Variants in LRRFIP1 observed in about 807,000 individuals in gnomAD.
LRRFIP1 encodes the protein leucine-rich repeat flightless-interacting protein 1.
A neutral mutation model predicts 104.4 loss-of-function variants in LRRFIP1; 62 were observed. The ratio of observed to expected loss-of-function variants is 0.59; its 90% CI spans 0.48 to 0.73. The LOEUF (loss-of-function observed/expected upper bound fraction) is 0.73, where lower values mean the gene tolerates loss of function less well. LRRFIP1 is among the 30% of genes least tolerant of loss of function. LRRFIP1 has a pLI of 0.00. For missense variants in LRRFIP1, 796 were observed against 824.5 expected, an observed-to-expected ratio of 0.97 and a Z score of 0.42; for synonymous variants, 300 against 299.0, an observed-to-expected ratio of 1.00 and a Z score of -0.03.
At chr2:237,753,836 G>A (rs1576281127) in intron 15 of LRRFIP1, among the ~76,000 whole-genome samples, 1 of 81,494 alleles carries the variant, frequency 1.2e-5, no homozygotes, top group Non-Finnish European at 2.5e-5. Flanking sequence ...GTGTGTGTGT[G>A]TGTGTATGTA....
At chr2:237,685,738 C>G (rs1385829894) in intron 1 of LRRFIP1, among the ~76,000 whole-genome samples, 4 of 152,162 alleles carry the variant, frequency 2.6e-5, no homozygotes, top group Non-Finnish European at 5.9e-5. Flanking sequence ...CATCTTTTCT[C>G]ACTGTCCTTT....
chr2:237,703,628 G>GC lies in LRRFIP1; in HGVS notation c.97-4910dup, dbSNP rs1198161613. 6.6e-6 allele frequency among the ~76,000 whole-genome samples: 1 copy of GC among 151,790 alleles called. No homozygotes were observed. Among genetic ancestry groups the GC allele is most frequent in the Non-Finnish European group, 1.5e-5 (1 of 67,952 alleles). On this transcript the variant is annotated intron_variant, in intron 1 of 23. Transcript: ENST00000308482. This position sits in a 1 kb window ranked among gnomAD's most constrained non-coding sequence, Gnocchi z 4.3. ...TCCTGTCCTGCGGATGCCTTCCCCA[G>GC]CCCCCCGGGGTTGGGTCAAGTTCTC...
At chr2:237,730,419 G>A (rs1369754770) in intron 8 of LRRFIP1, among the ~76,000 whole-genome samples, 1 of 152,174 alleles carries the variant, frequency 6.6e-6, no homozygotes, top group Non-Finnish European at 1.5e-5. Context: ...CATTTACTCA[G>A]CAAAATTGGG....
chr2:237,753,558 G>A, intron 15 of LRRFIP1, 79 bp downstream of exon 15: 1 of 1,239,584 alleles, frequency 8.1e-7, no homozygotes, highest in Non-Finnish European at 1.1e-6. Flanking sequence ...TACTTTGGGA[G>A]GCCAAGGTGG....
intron 1 of LRRFIP1, among the ~76,000 whole-genome samples, chr2:237,698,177 A>G (rs1415564640): frequency 6.6e-6 from 1 of 152,254 alleles, no homozygotes; most frequent in African/African-American, 2.4e-5. Flanking sequence ...GGAGATTTCC[A>G]GTAGCAAAAC....
At chr2:237,728,923 TTTAA>T (rs1306269167) in intron 8 of LRRFIP1, among the ~76,000 whole-genome samples, 3 of 152,186 alleles carry the variant, frequency 2.0e-5, no homozygotes, top group Non-Finnish European at 4.4e-5. Context: ...TTGCATGCAC[TTTAA>T]TTATTTATTT....
Position 237,708,625 on chromosome 2 carries a change from A to C in LRRFIP1, c.178A>C (p.Lys60Gln). The C allele has an allele frequency of 6.3e-7, 1 of 1,597,212 alleles. No individual in the cohort carries two copies. Among genetic ancestry groups the C allele is most frequent in the Non-Finnish European group, 8.5e-7 (1 of 1,169,816 alleles). ...CATGAAGGAGCTGGAGCGGCAGCAG[A>C]AGGAGGTAACGCTTGGGGCTCCTTG... Reference protein sequence around the residue: ...IRMKELERQQKEIYQVQKKYY... With the variant: ...IRMKELERQQQEIYQVQKKYY... The change falls in exon 2 of 24, where the codon AAG (lysine) becomes CAG (glutamine). Residue 60 changes from lysine (K) to glutamine (Q), a missense_variant. Physicochemically the swap from Lys to Gln is moderately conservative, Grantham distance 53 (BLOSUM62 1). Coordinates refer to ENST00000308482, the MANE Select transcript of LRRFIP1 (RefSeq NM_001137550.2).
chr2:237,765,435 TAAAAAAAAAA>T lies in LRRFIP1; in HGVS notation c.1460-4492_1460-4483del, dbSNP rs60482580. ...GGGAGACAGAGTGAGACACTGTCTC[TAAAAAAAAAA>T]AAAAAAAAAAAAAAAGTTTTTGAAC... On this transcript the variant is annotated intron_variant, in intron 19 of 23. Coordinates refer to ENST00000308482, the MANE Select transcript of LRRFIP1 (RefSeq NM_001137550.2). The T allele has an allele frequency of 1.4e-3, 627 of 453,652 alleles. 2 individuals are homozygous for T. The highest frequency in any genetic ancestry group is 2.8e-3 in the African/African-American group (76 of 26,854). 28.1% of individuals were successfully genotyped at this position (453,652 alleles called of 1,614,324 possible). A position where few individuals can be genotyped will look rare whatever the true frequency, so the allele number is the denominator to read the frequency against.
chr2:237,704,560 C>G (rs2093709744), intron 1 of LRRFIP1, among the ~76,000 whole-genome samples: 1 of 152,118 alleles, frequency 6.6e-6, no homozygotes, highest in Non-Finnish European at 1.5e-5. Flanking sequence ...AGGTTTTGTG[C>G]CAGTTTAAAT....
chr2:237,701,824 G>T (rs1473863951), intron 1 of LRRFIP1, among the ~76,000 whole-genome samples: 1 of 152,222 alleles, frequency 6.6e-6, no homozygotes, highest in Non-Finnish European at 1.5e-5. Context: ...CCTAACATGT[G>T]CTTTTATCTG....
At chr2:237,771,966 CAA>C in intron 20 of LRRFIP1, 113 bp from the exon 21 acceptor site, 1 of 674,946 alleles carries the variant, frequency 1.5e-6, no homozygotes, top group Non-Finnish European at 2.7e-6. Flanking sequence ...CTGATGGACA[CAA>C]AGTGCCTTCT....
At chr2:237,644,081 T>A (rs1284138036) in intron 1 of LRRFIP1, among the ~76,000 whole-genome samples, 1 of 152,246 alleles carries the variant, frequency 6.6e-6, no homozygotes, top group African/African-American at 2.4e-5. Context: ...TGGTTTTTCC[T>A]GCCTTGTGTT....
chr2:237,779,388 T>C, intron 23 of LRRFIP1, 34 bp from the exon 24 acceptor site: 1 of 1,606,030 alleles, frequency 6.2e-7, no homozygotes. Flanking sequence ...GGAAACAAGT[T>C]CCTTAAAGCT....
Position 237,660,435 on chromosome 2 carries a change from A to G in LRRFIP1, c.96+32695A>G, listed in dbSNP as rs186196916. 1.9e-4 allele frequency among the ~76,000 whole-genome samples: 29 copies of G among 150,910 alleles called. No individual in the cohort carries two copies. In the South Asian group the frequency reaches 5.6e-3, roughly 29 times the overall value. Reference sequence around the variant, plus strand: ...TCCACAGCAGCTATCTCCACAGAGTACAGCTGGCCAGTGTAGGTTTGGGGA... The same window carrying G: ...TCCACAGCAGCTATCTCCACAGAGTGCAGCTGGCCAGTGTAGGTTTGGGGA... On this transcript the variant is annotated intron_variant, in intron 1 of 23. Transcript: ENST00000308482.
chr2:237,773,372 T>C (rs1265278698), intron 22 of LRRFIP1, among the ~76,000 whole-genome samples: 4 of 152,040 alleles, frequency 2.6e-5, no homozygotes, highest in Middle Eastern at 3.2e-3. Flanking sequence ...ACCCCGTCTC[T>C]ACTAAAAATA....
chr2:237,645,765 G>A (rs1488401822), intron 1 of LRRFIP1, among the ~76,000 whole-genome samples: 1 of 151,944 alleles, frequency 6.6e-6, no homozygotes, highest in Non-Finnish European at 1.5e-5. Context: ...ACAAGGGTGA[G>A]CAATGGAATG....
At position 237,676,339 on chromosome 2, in the gene LRRFIP1, T is replaced by A. The variant is rs528519225; in HGVS notation, c.97-32205T>A. Reference sequence around the variant, plus strand: ...CCAGCCTGCCTTCTTTCGTCCTTTTTAAAAAATTAGACCAGAAACTGTTGT... The same window carrying A: ...CCAGCCTGCCTTCTTTCGTCCTTTTAAAAAAATTAGACCAGAAACTGTTGT... On this transcript the variant is annotated intron_variant, in intron 1 of 23. Coordinates refer to ENST00000308482, the MANE Select transcript of LRRFIP1 (RefSeq NM_001137550.2). Among the ~76,000 whole-genome samples, 69 of 152,312 alleles carry A rather than the reference T, an allele frequency of 4.5e-4. No individual in the cohort carries two copies. The South Asian group carries it at 0.014, about 31-fold the overall frequency.
intron 1 of LRRFIP1, among the ~76,000 whole-genome samples, chr2:237,628,307 C>A (rs1392901456): frequency 6.6e-6 from 1 of 152,206 alleles, no homozygotes; most frequent in Non-Finnish European, 1.5e-5. Flanking sequence ...GGAAACGGGT[C>A]CAGGCACACT....
At chr2:237,644,416 C>T (rs2084542499) in intron 1 of LRRFIP1, among the ~76,000 whole-genome samples, 1 of 152,220 alleles carries the variant, frequency 6.6e-6, no homozygotes, top group African/African-American at 2.4e-5. Flanking sequence ...TAAATAGCCA[C>T]CTTTGCCTGA....
Sources: allele counts gnomAD v4.1 joint callset (sites outside exome capture counted in the v4.1 genomes callset), GRCh38; gene constraint gnomAD v4.1.1; non-coding constraint Gnocchi (gnomAD v3.1); transcripts MANE v1.5; gene names NCBI Gene and HGNC (gene_info 2026-07-23, HGNC 2026-07-21).